Variants in ASTN2 observed in about 807,000 individuals in gnomAD.
ASTN2 encodes the protein astrotactin-2.
ASTN2 carries 54 observed loss-of-function variants against 139.8 expected under a neutral mutation model. That is an observed-to-expected ratio of 0.39 (90% CI 0.31 to 0.48). The LOEUF is 0.48. ASTN2 is among the 20% of genes least tolerant of loss of function. The pLI, the probability that ASTN2 is intolerant of heterozygous loss-of-function variation, is 0.95. For missense variants in ASTN2, 1,565 were observed against 1,725.1 expected (o/e 0.91, Z 1.64); for synonymous variants, 756 against 719.5 (o/e 1.05, Z -0.81).
In ASTN2 at chr9:116,651,391, C is replaced by T. The variant is rs917825801; in HGVS notation, c.3072+137G>A. The T allele has an allele frequency of 3.9e-6, 4 of 1,013,714 alleles. No homozygotes were observed. In the African/African-American group the frequency reaches 4.8e-5, roughly 12 times the overall value. The allele number at this position is 1,013,714 out of a possible 1,614,324, so 62.8% of individuals were successfully genotyped here. ...AAGTATTTAGAACATGGTAAGGAATCAATAAATGCTAGTAATCACCATGAT... is the reference window on the plus strand; with the variant it reads ...AAGTATTTAGAACATGGTAAGGAATTAATAAATGCTAGTAATCACCATGAT... On this transcript the variant is annotated intron_variant, in intron 17 of 22. Coordinates refer to ENST00000313400, the MANE Select transcript of ASTN2 (RefSeq NM_001365068.1).
intron 6 of ASTN2, among the ~76,000 whole-genome samples, chr9:117,033,811 C>T (rs1008057684): frequency 2.0e-5 from 3 of 152,050 alleles, no homozygotes; most frequent in Middle Eastern, 3.2e-3. Context: ...CCACTTTTCA[C>T]GTACGCAAAA....
In ASTN2 at chr9:116,725,814, G is replaced by T; in HGVS notation, c.2763C>A (p.Pro921=). The part of the protein sequence containing the change: ...GSELTCIIHF[P]SKKVQQQLWL... ...ACAGCTGCTGCTGGACCTTCTTGCT[G>T]GGAAAGTGGATGATGCAGGTGAGCT... Residue 921 remains proline, a synonymous_variant, in exon 16 of 23, where the codon CCC becomes CCA. Coordinates refer to ENST00000313400, the MANE Select transcript of ASTN2 (RefSeq NM_001365068.1). 6.2e-7 allele frequency: 1 copy of T among 1,613,928 alleles called. No homozygotes were observed. Among genetic ancestry groups the T allele is most frequent in the South Asian group, 1.1e-5 (1 of 91,044 alleles).
intron 5 of ASTN2, among the ~76,000 whole-genome samples, chr9:117,060,318 A>AAAAG (rs201278158): frequency 2.4e-4 from 27 of 110,344 alleles, no homozygotes; most frequent in East Asian, 5.3e-4. Context: ...CAAAAAAGAA[A>AAAAG]AAAGAAAGAA....
intron 2 of ASTN2, among the ~76,000 whole-genome samples, chr9:117,259,220 T>C (rs889258872): frequency 1.3e-5 from 2 of 152,152 alleles, no homozygotes; most frequent in African/African-American, 2.4e-5. Flanking sequence ...AAAATGTGTG[T>C]ACTGAAGCAT....
chr9:117,222,063 T>C (rs1307172418), intron 2 of ASTN2, among the ~76,000 whole-genome samples: 3 of 152,208 alleles, frequency 2.0e-5, no homozygotes, highest in East Asian at 1.9e-4. Context: ...CTAGTTTTCA[T>C]GGATTTTCAT....
chr9:117,264,547 T>C (rs1833898640), intron 2 of ASTN2, among the ~76,000 whole-genome samples: 1 of 152,166 alleles, frequency 6.6e-6, no homozygotes, highest in African/African-American at 2.4e-5. Context: ...GGTTTTATAT[T>C]CAATCAGAAA....
chr9:117,013,447 G>A (rs1837587279), intron 6 of ASTN2, among the ~76,000 whole-genome samples: 1 of 146,914 alleles, frequency 6.8e-6, no homozygotes, highest in Non-Finnish European at 1.5e-5. Context: ...ACTTCAAAAT[G>A]TCATGTTTCC....
intron 1 of ASTN2, among the ~76,000 whole-genome samples, chr9:117,382,011 T>C (rs903611472): frequency 1.1e-4 from 17 of 152,256 alleles, no homozygotes; most frequent in African/African-American, 3.4e-4. Context: ...GAGAGAGTGA[T>C]AGCACTTAAG....
intron 19 of ASTN2, among the ~76,000 whole-genome samples, chr9:116,570,062 G>C (rs565166146): frequency 6.6e-6 from 1 of 152,148 alleles, no homozygotes; most frequent in Non-Finnish European, 1.5e-5. Context: ...CAGATTACTC[G>C]GTTCGAATCT....
At chr9:116,979,297 C>T (rs565142630) in intron 7 of ASTN2, among the ~76,000 whole-genome samples, 2 of 152,120 alleles carry the variant, frequency 1.3e-5, no homozygotes, top group Admixed American at 1.3e-4. Flanking sequence ...GAAGACATGT[C>T]CTTTTCCTCT....
At chr9:117,250,289 A>C (rs1283111673) in intron 2 of ASTN2, among the ~76,000 whole-genome samples, 2 of 152,194 alleles carry the variant, frequency 1.3e-5, no homozygotes, top group Non-Finnish European at 2.9e-5. Context: ...TTCTTTGCCC[A>C]TTGAGGCCCC....
In ASTN2 at chr9:116,441,171, T is replaced by C. The variant is rs570280582; in HGVS notation, c.3599-379A>G. ...GTCTTGGATAATCTCAACACCCTCCTTCTATTTCCCCTTTGTTGTATTTCC... is the reference window on the plus strand; with the variant it reads ...GTCTTGGATAATCTCAACACCCTCCCTCTATTTCCCCTTTGTTGTATTTCC... On this transcript the variant is annotated intron_variant, in intron 21 of 22. Coordinates refer to ENST00000313400, the MANE Select transcript of ASTN2 (RefSeq NM_001365068.1). 3.3e-5 allele frequency among the ~76,000 whole-genome samples: 5 copies of C among 152,284 alleles called. No individual in the cohort carries two copies. The South Asian group carries it at 1.0e-3, about 32-fold the overall frequency.
At chr9:117,099,894 G>A (rs975143435) in intron 4 of ASTN2, among the ~76,000 whole-genome samples, 1 of 152,174 alleles carries the variant, frequency 6.6e-6, no homozygotes, top group South Asian at 2.1e-4. Context: ...GAGGTGATAC[G>A]AGGTAGTAAG....
chr9:116,843,139 C>T lies in ASTN2; in HGVS notation c.2040+20444G>A, dbSNP rs187302676. ...GTTCTACCAAAAAGACACACGCAAC[C>T]GTGTGTTCATTGTTGCCCTATTCAC... On this transcript the variant is annotated intron_variant, in intron 11 of 22. Coordinates refer to ENST00000313400, the MANE Select transcript of ASTN2 (RefSeq NM_001365068.1). Among the ~76,000 whole-genome samples, 523 of 152,280 alleles carry T rather than the reference C, an allele frequency of 3.4e-3. 5 individuals carry two copies. The highest frequency in any genetic ancestry group is 0.012 in the African/African-American group (510 of 41,562).
At chr9:117,389,855 C>CA (rs80110134) in intron 1 of ASTN2, among the ~76,000 whole-genome samples, 5,590 of 129,524 alleles carry the variant, frequency 0.043, 195 homozygotes, top group African/African-American at 0.11. Context: ...TACTGAGTGA[C>CA]AAAAAAAAAA....
chr9:116,779,507 T>C (rs2132201591), intron 13 of ASTN2, among the ~76,000 whole-genome samples: 1 of 152,268 alleles, frequency 6.6e-6, no homozygotes, highest in African/African-American at 2.4e-5. Context: ...AGATATTTTT[T>C]TTTTTTATAG....
intron 4 of ASTN2, among the ~76,000 whole-genome samples, chr9:117,129,450 A>G (rs1829779390): frequency 6.6e-6 from 1 of 152,230 alleles, no homozygotes; most frequent in Non-Finnish European, 1.5e-5. Context: ...GAAATGGCCA[A>G]AGCCAGAAAA....
chr9:117,209,389 T>A (rs1236547834), intron 3 of ASTN2, among the ~76,000 whole-genome samples: 8 of 151,910 alleles, frequency 5.3e-5, no homozygotes. Flanking sequence ...AAGCCAAAAG[T>A]GAGAACAAGT....
intron 8 of ASTN2, 41 bp downstream of exon 8, chr9:116,976,660 G>A: frequency 6.4e-7 from 1 of 1,563,768 alleles, no homozygotes; most frequent in Non-Finnish European, 8.8e-7. Context: ...GGTAAAAGTG[G>A]GTCCTGCACT....
Sources: allele counts gnomAD v4.1 joint callset (sites outside exome capture counted in the v4.1 genomes callset), GRCh38; gene constraint gnomAD v4.1.1; transcripts MANE v1.5; gene names NCBI Gene and HGNC (gene_info 2026-07-23, HGNC 2026-07-21).